SLC35B1: variants seen among roughly 807,000 people sequenced by gnomAD.
The protein encoded by SLC35B1 is solute carrier family 35 member B1.
In SLC35B1, 27 loss-of-function variants were observed where a neutral mutation model predicts 36.6. The observed-to-expected ratio is 0.74, with a 90% CI of 0.54 to 1.02. SLC35B1 has a LOEUF of 1.02. SLC35B1 is among the 50% of genes least tolerant of loss of function. SLC35B1 has a pLI of 0.00. For synonymous variants in SLC35B1, 162 were observed against 152.5 expected (o/e 1.06, Z -0.46); for missense variants, 321 against 383.2 (o/e 0.84, Z 1.35).
Position 49,702,950 on chromosome 17 carries a change from G to C in SLC35B1, c.824C>G (p.Thr275Ser), listed in dbSNP as rs1297810357. ...GPLTCSIITT[T>S]RKFFTILASV... ...GGCCAAAATTGTGAAGAACTTTCGAGTTGTAGTGATGATGGAGCAGGTCAG... is the reference window on the plus strand; with the variant it reads ...GGCCAAAATTGTGAAGAACTTTCGACTTGTAGTGATGATGGAGCAGGTCAG... Residue 275 changes from threonine to serine, a missense_variant, in exon 8 of 9, where the codon ACT (threonine) becomes AGT (serine). Physicochemically the swap from Thr to Ser is moderately conservative, Grantham distance 58. Coordinates refer to ENST00000240333, the MANE Select transcript of SLC35B1 (RefSeq NM_005827.4). 1 of 1,614,140 alleles carries C rather than the reference G, an allele frequency of 6.2e-7. No individual in the cohort carries two copies. Among genetic ancestry groups the C allele is most frequent in the South Asian group, 1.1e-5 (1 of 91,072 alleles).
In SLC35B1 at chr17:49,701,475, T is replaced by A. The variant is rs765397991; in HGVS notation, c.952A>T (p.Lys318Ter). The A allele has an allele frequency of 5.0e-6, 8 of 1,613,784 alleles. No individual in the cohort carries two copies. The highest frequency in any genetic ancestry group is 5.1e-6 in the Non-Finnish European group (6 of 1,179,694). The part of the protein sequence containing the change: ...GLDAKFGKGA[K>*]KTSH ...CTCTCTTCCTAGTGGGATGTCTTCT[T>A]AGCTCCTTTCCCAAACTTGGCATCA... The change falls in exon 9 of 9, where the codon AAG (lysine) becomes TAG (stop). Residue 318 changes from lysine to a stop codon, truncating the protein, a stop_gained. Transcript: ENST00000240333. LOFTEE classifies it high-confidence loss of function.
At position 49,706,346 on chromosome 17, in the gene SLC35B1, C is replaced by CAAAAAAAAAAAAAAAAAAGAAAAAAAAA. The variant is rs2073417529; in HGVS notation, c.209-13_209-12insTTTTTTTTTCTTTTTTTTTTTTTTTTTT. 1.4e-5 allele frequency: 10 copies of CAAAAAAAAAAAAAAAAAAGAAAAAAAAA among 733,608 alleles called. No individual in the cohort carries two copies. In the South Asian group the frequency reaches 1.4e-4, roughly 10 times the overall value. The allele number at this position is 733,608 out of a possible 1,614,324, so 45.4% of individuals were successfully genotyped here. On this transcript the variant is annotated splice_polypyrimidine_tract_variant and intron_variant, in intron 2 of 8. Transcript: ENST00000240333. The stretch of plus-strand genomic sequence containing the variant: ...AAAAAACTGGATCACTGGGAGAAGA[C>CAAAAAAAAAAAAAAAAAAGAAAAAAAAA]AAAAAAAAAAAAAAAAAAAGAAAAG...
At chr17:49,708,107 G>A (rs1296407800), upstream of SLC35B1, 9 of 719,986 alleles carry the variant, frequency 1.3e-5, no homozygotes, top group Non-Finnish European at 2.2e-5. Flanking sequence ...CAGGGGAACC[G>A]GCAGCCTCGA....
chr17:49,704,078 G>A lies in SLC35B1; in HGVS notation c.655+22C>T, dbSNP rs200097747. 4.9e-5 allele frequency: 79 copies of A among 1,613,824 alleles called. No homozygotes were observed. The African/African-American group carries it at 7.3e-4, about 15-fold the overall frequency. ...CCTGCCCTCTGGTGATACATGGGAA[G>A]AACAGCAGAACTGGCTCTCACCCAT... On this transcript the variant is annotated intron_variant, in intron 6 of 8. Transcript: ENST00000240333.
intron 1 of SLC35B1, 125 bp from the exon 2 acceptor site, chr17:49,707,193 T>G (rs2073429925): frequency 7.5e-7 from 1 of 1,325,344 alleles, no homozygotes; most frequent in Non-Finnish European, 1.0e-6. Flanking sequence ...GCAGAGTTTG[T>G]TAAGGACCAC....
upstream of SLC35B1, chr17:49,708,102 G>C (rs1567822664): frequency 2.8e-6 from 2 of 726,570 alleles, no homozygotes; most frequent in Non-Finnish European, 4.9e-6. Context: ...AGGGCCAGGG[G>C]AACCGGCAGC....
chr17:49,706,027 T>A (rs2073411229), intron 3 of SLC35B1, 131 bp from the exon 4 acceptor site: 4 of 1,292,550 alleles, frequency 3.1e-6, no homozygotes, highest in Non-Finnish European at 3.3e-6. Flanking sequence ...AGCAGCCCTA[T>A]CATGGCCCAA....
intron 5 of SLC35B1, 52 bp downstream of exon 5, chr17:49,705,072 C>A: frequency 5.0e-6 from 8 of 1,597,016 alleles, no homozygotes; most frequent in Non-Finnish European, 6.8e-6. Context: ...GTGAGACTAT[C>A]CTTTGGTTAA....
intron 8 of SLC35B1, 114 bp from the exon 9 acceptor site, chr17:49,701,624 A>G (rs1188331268): frequency 1.3e-6 from 1 of 768,918 alleles, no homozygotes; most frequent in East Asian, 2.5e-5. Context: ...CTTTAAATAA[A>G]ATACATGTCA....
Position 49,705,915 on chromosome 17 carries a change from A to G in SLC35B1, c.340-19T>C. 1 of 1,613,472 alleles carries G rather than the reference A, an allele frequency of 6.2e-7. No individual in the cohort carries two copies. Among genetic ancestry groups the G allele is most frequent in the Non-Finnish European group, 8.5e-7 (1 of 1,179,436 alleles). ...CAAGGACCTGAAATTAAATCCAGCA[A>G]ATAATTTCTGAGCATCTGTGATGTG... On this transcript the variant is annotated intron_variant, in intron 3 of 8. Coordinates refer to ENST00000240333, the MANE Select transcript of SLC35B1 (RefSeq NM_005827.4).
chr17:49,707,067 T>C lies in SLC35B1; in HGVS notation c.106A>G (p.Thr36Ala). 6.2e-7 allele frequency: 1 copy of C among 1,611,580 alleles called. No individual in the cohort carries two copies. The highest frequency in any genetic ancestry group is 1.1e-5 in the South Asian group (1 of 91,028). The change falls in exon 2 of 9, where the codon ACA becomes GCA. Residue 36 changes from threonine (T) to alanine (A), a missense_variant and splice_region_variant. Physicochemically the swap from Thr to Ala is moderately conservative, Grantham distance 58. Transcript: ENST00000240333. ...GCTCCTTCCCCATACTTTCCTCTTG[T>C]TCTAGAAATGAAATGCATGAGAAAA... ...FYYGILQEKI[T>A]RGKYGEGAKQ...
Position 49,706,295 on chromosome 17 carries a change from C to T in SLC35B1, c.248G>A (p.Arg83Gln), listed in dbSNP as rs779138081. Residue 83 changes from arginine to glutamine, a missense_variant, in exon 3 of 9, where the codon CGG becomes CAG. Coordinates refer to ENST00000240333, the MANE Select transcript of SLC35B1 (RefSeq NM_005827.4). ...FFDTARVDRT[R>Q]SWLYAACSIS... is the part of the protein sequence containing the mutation. ...AGAACAGGCAGCATAGAGCCAGCTC[C>T]GGGTACGATCCACCCTGGCAGTGTC... The T allele has an allele frequency of 2.1e-5, 34 of 1,588,730 alleles. No individual in the cohort carries two copies. The highest frequency in any genetic ancestry group is 4.6e-5 in the East Asian group (2 of 43,124).
In SLC35B1 at chr17:49,701,258, G is replaced by T; in HGVS notation, c.*200C>A. The T allele has an allele frequency of 1.8e-6, 1 of 552,880 alleles. No homozygotes were observed. The highest frequency in any genetic ancestry group is 3.2e-6 in the Non-Finnish European group (1 of 308,462). The allele number at this position is 552,880 out of a possible 1,614,324, so 34.2% of individuals were successfully genotyped here. A position where few individuals can be genotyped will look rare whatever the true frequency, so the allele number is the denominator to read the frequency against. Reference sequence around the variant, plus strand: ...TTTTATTTACCATAGACTGCTCCAGGGCATGAAGAACAAAAACCACCACTC... The same window carrying T: ...TTTTATTTACCATAGACTGCTCCAGTGCATGAAGAACAAAAACCACCACTC... On this transcript the variant is annotated 3_prime_UTR_variant, in exon 9 of 9. Coordinates refer to ENST00000240333, the MANE Select transcript of SLC35B1 (RefSeq NM_005827.4).
At chr17:49,706,122 T>TTTAAAA in intron 3 of SLC35B1, 82 bp downstream of exon 3, 1 of 1,239,690 alleles carries the variant, frequency 8.1e-7, no homozygotes, top group Non-Finnish European at 1.1e-6. Flanking sequence ...TTTTTTTTTT[T>TTTAAAA]AACTCACAGA....
Position 49,706,346 on chromosome 17 carries a change from C to CACAA in SLC35B1, c.209-13_209-12insTTGT, listed in dbSNP as rs2073417321. The CACAA allele has an allele frequency of 1.4e-6, 1 of 703,146 alleles. No homozygotes were observed. Among genetic ancestry groups the CACAA allele is most frequent in the Non-Finnish European group, 1.7e-6 (1 of 576,766 alleles). 43.6% of individuals were successfully genotyped at this position (703,146 alleles called of 1,614,324 possible). A position where few individuals can be genotyped will look rare whatever the true frequency, so the allele number is the denominator to read the frequency against. On this transcript the variant is annotated splice_polypyrimidine_tract_variant and intron_variant, in intron 2 of 8. Coordinates refer to ENST00000240333, the MANE Select transcript of SLC35B1 (RefSeq NM_005827.4). ...AAAAAACTGGATCACTGGGAGAAGA[C>CACAA]AAAAAAAAAAAAAAAAAAAGAAAAG...
intron 5 of SLC35B1, 78 bp from the exon 6 acceptor site, chr17:49,704,304 C>T (rs891645834): frequency 2.6e-6 from 4 of 1,550,564 alleles, no homozygotes; most frequent in Admixed American, 3.6e-5. Flanking sequence ...GATTCTCACT[C>T]TCAGGCTCCT....
chr17:49,707,168 C>T (rs113648381), intron 1 of SLC35B1, 100 bp from the exon 2 acceptor site: 5 of 1,357,988 alleles, frequency 3.7e-6, no homozygotes, highest in Middle Eastern at 1.8e-4. Context: ...AATTATCTTG[C>T]CTCTCTGGAT....
intron 2 of SLC35B1, 31 bp from the exon 3 acceptor site, chr17:49,706,365 A>AG: frequency 9.3e-7 from 1 of 1,073,662 alleles, no homozygotes; most frequent in Non-Finnish European, 1.2e-6. Flanking sequence ...AAAAAAAAAA[A>AG]GAAAAGAAAA....
In SLC35B1 at chr17:49,706,346, C is replaced by CAAAAAAAAAAAAAAGAAAAAA; in HGVS notation, c.209-13_209-12insTTTTTTCTTTTTTTTTTTTTT. The stretch of plus-strand genomic sequence containing the variant: ...AAAAAACTGGATCACTGGGAGAAGA[C>CAAAAAAAAAAAAAAGAAAAAA]AAAAAAAAAAAAAAAAAAAGAAAAG... On this transcript the variant is annotated splice_polypyrimidine_tract_variant and intron_variant, in intron 2 of 8. Transcript: ENST00000240333. 1.4e-6 allele frequency: 1 copy of CAAAAAAAAAAAAAAGAAAAAA among 732,216 alleles called. No individual in the cohort carries two copies. Among genetic ancestry groups the CAAAAAAAAAAAAAAGAAAAAA allele is most frequent in the Non-Finnish European group, 1.7e-6 (1 of 600,898 alleles). The allele number at this position is 732,216 out of a possible 1,614,324, so 45.4% of individuals were successfully genotyped here. A position where few individuals can be genotyped will look rare whatever the true frequency, so the allele number is the denominator to read the frequency against.
Sources: allele counts gnomAD v4.1 joint callset, GRCh38; gene constraint gnomAD v4.1.1; transcripts MANE v1.5; gene names NCBI Gene and HGNC (gene_info 2026-07-23, HGNC 2026-07-21).